The following SPHKAP variants were observed in gnomAD, a reference collection of about 807,000 sequenced individuals.
The protein encoded by SPHKAP is SPHK1 interactor, AKAP domain containing, also known as A-kinase anchor protein SPHKAP.
In SPHKAP, 67 loss-of-function variants were observed where a neutral mutation model predicts 137.5. The ratio of observed to expected loss-of-function variants is 0.49; its 90% CI spans 0.40 to 0.60. The LOEUF (loss-of-function observed/expected upper bound fraction) is 0.60. Among genes scored for constraint, SPHKAP ranks in the 20% least tolerant of loss-of-function variants. SPHKAP has a pLI of 0.00. For missense variants in SPHKAP, 2,097 were observed against 2,069.3 expected, an observed-to-expected ratio of 1.01 and a Z score of -0.26; for synonymous variants, 813 against 785.3, an observed-to-expected ratio of 1.04 and a Z score of -0.59.
chr2:228,010,314 G>A (rs976976495), intron 7 of SPHKAP, among the ~76,000 whole-genome samples: 1 of 152,158 alleles, frequency 6.6e-6, no homozygotes, highest in African/African-American at 2.4e-5. Flanking sequence ...ATCACCTGAG[G>A]TCAGGAGTTC....
intron 3 of SPHKAP, among the ~76,000 whole-genome samples, chr2:228,092,223 A>G (rs577207650): frequency 7.5e-5 from 11 of 147,586 alleles, no homozygotes; most frequent in African/African-American, 9.9e-5. Flanking sequence ...ATACACACAT[A>G]TATACACACA....
chr2:228,068,599 A>G (rs1352956195), intron 3 of SPHKAP, among the ~76,000 whole-genome samples: 1 of 152,180 alleles, frequency 6.6e-6, no homozygotes, highest in African/African-American at 2.4e-5. Flanking sequence ...GGGAAAGGAG[A>G]GTCTCTTTAA....
chr2:228,080,309 CAAAT>C (rs1464612663), intron 3 of SPHKAP, among the ~76,000 whole-genome samples: 1 of 152,040 alleles, frequency 6.6e-6, no homozygotes, highest in Non-Finnish European at 1.5e-5. Flanking sequence ...TAAAAATTGA[CAAAT>C]AATATAAATA....
At chr2:228,161,987 C>T (rs1399470591) in intron 1 of SPHKAP, among the ~76,000 whole-genome samples, 1 of 152,122 alleles carries the variant, frequency 6.6e-6, no homozygotes, top group Non-Finnish European at 1.5e-5. Context: ...TTCAGAAGTA[C>T]AATTTATTAA....
rs1473161415 is a variant in SPHKAP at position 228,048,849 on chromosome 2, T to TTTTTC, written c.247-21311_247-21307dup. Among the ~76,000 whole-genome samples the TTTTTC allele has an allele frequency of 3.3e-5, 5 of 152,212 alleles. No individual in the cohort carries two copies. In the South Asian group the frequency reaches 1.0e-3, roughly 32 times the overall value. ...TTTGCCCTCTTTTTATTGGGGTTGT[T>TTTTTC]TTTTCTTGTTGAGGTGTTGCAGTTT... On this transcript the variant is annotated intron_variant, in intron 3 of 11. Coordinates refer to ENST00000392056, the MANE Select transcript of SPHKAP (RefSeq NM_001142644.2).
rs1037137131 is a variant in SPHKAP, at chr2:228,125,157, C to T, written c.138+6823G>A. Among the ~76,000 whole-genome samples, 3 of 152,280 alleles carry T rather than the reference C, an allele frequency of 2.0e-5. No individual in the cohort carries two copies. In the East Asian group the frequency reaches 5.8e-4, roughly 29 times the overall value. On this transcript the variant is annotated intron_variant, in intron 2 of 11. Transcript: ENST00000392056. The stretch of plus-strand genomic sequence containing the variant: ...ATTCCAGGTGTTGATTTTTCTCCAA[C>T]AAGTTTTTCCTCACATGAATCCTAT...
In SPHKAP at chr2:228,043,206, T is replaced by A. The variant is rs184023908; in HGVS notation, c.247-15663A>T. Among the ~76,000 whole-genome samples, 308 of 152,314 alleles carry A rather than the reference T, an allele frequency of 2.0e-3. 1 individual carries two copies. The highest frequency in any genetic ancestry group is 5.5e-3 in the African/African-American group (228 of 41,572). On this transcript the variant is annotated intron_variant, in intron 3 of 11. Coordinates refer to ENST00000392056, the MANE Select transcript of SPHKAP (RefSeq NM_001142644.2). ...ATCAGAATGAGCAAATGCCAGCTTG[T>A]ATGTACAGATCAAACCCGTGAATCC...
intron 2 of SPHKAP, among the ~76,000 whole-genome samples, chr2:228,129,797 TC>T (rs1329674072): frequency 6.6e-6 from 1 of 150,806 alleles, no homozygotes; most frequent in Non-Finnish European, 1.5e-5. Flanking sequence ...TTAATTTTTT[TC>T]TTTTTTTTTT....
chr2:228,180,482 C>T (rs1700873826), intron 1 of SPHKAP, among the ~76,000 whole-genome samples: 1 of 151,674 alleles, frequency 6.6e-6, no homozygotes, highest in Admixed American at 6.6e-5. Context: ...CTCCAAGAAT[C>T]CGAACTTAAA....
rs535999743 is a variant in SPHKAP at position 228,151,179 on chromosome 2, C to T, written c.33-19094G>A. Among the ~76,000 whole-genome samples, 563 of 150,430 alleles carry T rather than the reference C, an allele frequency of 3.7e-3. 3 individuals are homozygous for T. Among genetic ancestry groups the T allele is most frequent in the Non-Finnish European group, 5.4e-3 (367 of 67,748 alleles). On this transcript the variant is annotated intron_variant, in intron 1 of 11. Coordinates refer to ENST00000392056, the MANE Select transcript of SPHKAP (RefSeq NM_001142644.2). ...ATTCCCATCTATGAGTGAGAACATG[C>T]GGTGTTTGGTTTTTTGTCCTTGCGA...
intron 2 of SPHKAP, among the ~76,000 whole-genome samples, chr2:228,118,750 A>G (rs1168169474): frequency 6.6e-6 from 1 of 152,184 alleles, no homozygotes; most frequent in African/African-American, 2.4e-5. Context: ...ATTATAAAAC[A>G]AGGATAATGC....
At chr2:228,047,958 A>C (rs574881080) in intron 3 of SPHKAP, among the ~76,000 whole-genome samples, 1 of 152,342 alleles carries the variant, frequency 6.6e-6, no homozygotes, top group Admixed American at 6.5e-5. Context: ...AGGAGAGTAC[A>C]CTGGGAGAGA....
chr2:228,048,171 C>T (rs576691576), intron 3 of SPHKAP, among the ~76,000 whole-genome samples: 3 of 152,238 alleles, frequency 2.0e-5, no homozygotes, highest in South Asian at 2.1e-4. Flanking sequence ...TTCATCAGTT[C>T]GCTGCCACGA....
intron 3 of SPHKAP, among the ~76,000 whole-genome samples, chr2:228,038,213 C>T (rs749253801): frequency 6.6e-6 from 1 of 152,050 alleles, no homozygotes; most frequent in African/African-American, 2.4e-5. Context: ...TCATGGGCCA[C>T]GTGTGCTGGA....
chr2:228,049,382 T>A (rs147759471), intron 3 of SPHKAP, among the ~76,000 whole-genome samples: 6 of 152,354 alleles, frequency 3.9e-5, no homozygotes, highest in Admixed American at 2.6e-4. Context: ...TAAAGTGTGA[T>A]TCCCTTCCCA....
intron 3 of SPHKAP, among the ~76,000 whole-genome samples, chr2:228,085,847 A>C: frequency 6.6e-6 from 1 of 151,970 alleles, no homozygotes; most frequent in Non-Finnish European, 1.5e-5. Context: ...TTTCACAAAT[A>C]CTCACTTGTC....
Position 228,087,163 on chromosome 2 carries a change from G to T in SPHKAP, c.246+21669C>A, listed in dbSNP as rs112811803. Among the ~76,000 whole-genome samples, 7 of 152,290 alleles carry T rather than the reference G, an allele frequency of 4.6e-5. 1 individual carries two copies. The highest frequency in any genetic ancestry group is 1.7e-4 in the African/African-American group (7 of 41,570). On this transcript the variant is annotated intron_variant, in intron 3 of 11. Transcript: ENST00000392056. ...AAGACCAGTGTCATCCTAGGTGGTT[G>T]TACAAAGTTTCAAGGCTATGTCCTC...
intron 2 of SPHKAP, among the ~76,000 whole-genome samples, chr2:228,127,674 G>T (rs1699118678): frequency 6.6e-6 from 1 of 152,060 alleles, no homozygotes; most frequent in African/African-American, 2.4e-5. Flanking sequence ...TGCTGAACTT[G>T]CCGATGTCTA....
chr2:228,158,731 T>C lies in SPHKAP; in HGVS notation c.32+22836A>G, dbSNP rs139861878. Among the ~76,000 whole-genome samples the C allele has an allele frequency of 3.2e-3, 481 of 152,314 alleles. 1 individual carries two copies. The highest frequency in any genetic ancestry group is 0.011 in the African/African-American group (451 of 41,572). On this transcript the variant is annotated intron_variant, in intron 1 of 11. Transcript: ENST00000392056. ...CAGATTTGAATACCCAATGGCATGT[T>C]GGATGTCTACATCTACATATTTCAC...
Sources: allele counts gnomAD v4.1 joint callset (sites outside exome capture counted in the v4.1 genomes callset), GRCh38; gene constraint gnomAD v4.1.1; transcripts MANE v1.5; gene names NCBI Gene and HGNC (gene_info 2026-07-23, HGNC 2026-07-21).